The following ELAPOR2 variants were observed in gnomAD, a reference collection of about 807,000 sequenced individuals.
ELAPOR2 encodes endosome-lysosome associated apoptosis and autophagy regulator family member 2.
ELAPOR2 carries 89 observed loss-of-function variants against 120.7 expected under a neutral mutation model. The ratio of observed to expected loss-of-function variants is 0.74; its 90% CI spans 0.62 to 0.88. The LOEUF is 0.88. ELAPOR2 is among the 40% of genes least tolerant of loss of function. ELAPOR2 has a pLI of 0.00. For missense variants in ELAPOR2, 1,134 were observed against 1,251.6 expected (o/e 0.91, Z 1.42); for synonymous variants, 444 against 444.9 (o/e 1.00, Z 0.03).
intron 1 of ELAPOR2, among the ~76,000 whole-genome samples, chr7:86,985,974 G>A (rs1390006646): frequency 1.3e-5 from 2 of 151,816 alleles, no homozygotes; most frequent in Non-Finnish European, 2.9e-5. Flanking sequence ...GGCAAAAACT[G>A]GAAGCATTCC....
At chr7:86,957,783 A>G (rs919205162) in intron 2 of ELAPOR2, among the ~76,000 whole-genome samples, 1 of 152,290 alleles carries the variant, frequency 6.6e-6, no homozygotes, top group Non-Finnish European at 1.5e-5. Flanking sequence ...CTTGAGCCCA[A>G]GGTTTTGAGA....
chr7:87,000,776 C>T (rs1456043210), intron 1 of ELAPOR2, among the ~76,000 whole-genome samples: 2 of 152,092 alleles, frequency 1.3e-5, no homozygotes, highest in Non-Finnish European at 2.9e-5. Flanking sequence ...AGCTATGTTG[C>T]TAAATTTCTG....
intron 2 of ELAPOR2, among the ~76,000 whole-genome samples, chr7:86,952,272 G>A (rs1791287131): frequency 6.6e-6 from 1 of 152,162 alleles, no homozygotes. Flanking sequence ...TAGTAGACTG[G>A]TGAGGGAGGA....
At position 86,941,506 on chromosome 7, in the gene ELAPOR2, G is replaced by C. The variant is rs113764204; in HGVS notation, c.741+512C>G. The C allele has an allele frequency of 2.8e-3, 1,147 of 410,854 alleles. 15 individuals carry two copies. The highest frequency in any genetic ancestry group is 0.021 in the African/African-American group (1,014 of 48,372). The allele number at this position is 410,854 out of a possible 1,614,324, so 25.5% of individuals were successfully genotyped here. On this transcript the variant is annotated intron_variant, in intron 5 of 21. Coordinates refer to ENST00000450689, the MANE Select transcript of ELAPOR2 (RefSeq NM_001142749.3). Reference sequence around the variant, plus strand: ...CCAAAGAGATATTTTGTGATAAACAGAGCTGTCCAACAAATGGAGACAGCA... The same window carrying C: ...CCAAAGAGATATTTTGTGATAAACACAGCTGTCCAACAAATGGAGACAGCA...
intron 8 of ELAPOR2, among the ~76,000 whole-genome samples, chr7:86,936,644 A>C (rs1432227827): frequency 6.6e-6 from 1 of 152,076 alleles, no homozygotes. Flanking sequence ...ACAGAAAAAC[A>C]TAATTTGTGT....
chr7:86,929,811 G>C (rs142380538), intron 8 of ELAPOR2, among the ~76,000 whole-genome samples: 31 of 151,976 alleles, frequency 2.0e-4, no homozygotes, highest in African/African-American at 7.2e-4. Flanking sequence ...CCCCCTTGCT[G>C]TTCTTGTGAT....
At chr7:87,042,531 A>C (rs1396292750) in intron 1 of ELAPOR2, among the ~76,000 whole-genome samples, 1 of 151,934 alleles carries the variant, frequency 6.6e-6, no homozygotes, top group African/African-American at 2.4e-5. Flanking sequence ...AACGAAATGA[A>C]GGCAGAAATA....
At position 86,938,823 on chromosome 7, in the gene ELAPOR2, C is replaced by A; in HGVS notation, c.985G>T (p.Asp329Tyr). 6.2e-7 allele frequency: 1 copy of A among 1,613,032 alleles called. No individual in the cohort carries two copies. The highest frequency in any genetic ancestry group is 1.1e-5 in the South Asian group (1 of 91,032). ...GAKECIRCKDDSQFSEEGSSE... is the reference protein window; with the variant it reads ...GAKECIRCKDYSQFSEEGSSE... ...CTAGTTCTACCTGAAAATTGAGAGTCGTCTTTACACCTTATACATTCTTTG... is the reference window on the plus strand; with the variant it reads ...CTAGTTCTACCTGAAAATTGAGAGTAGTCTTTACACCTTATACATTCTTTG... The change falls in exon 7 of 22, where the codon GAC (aspartate) becomes TAC (tyrosine). Residue 329 changes from aspartate (D) to tyrosine (Y), a missense_variant. This residue lies in a region of ELAPOR2 where 831 missense variants were observed against 867.6 expected (regional missense o/e 0.96). Coordinates refer to ENST00000450689, the MANE Select transcript of ELAPOR2 (RefSeq NM_001142749.3).
At chr7:86,913,597 C>T (rs1319980417) in intron 13 of ELAPOR2, among the ~76,000 whole-genome samples, 2 of 152,106 alleles carry the variant, frequency 1.3e-5, no homozygotes, top group East Asian at 1.9e-4. Flanking sequence ...GTTGAAAGTG[C>T]GGCAGGGTAG....
chr7:87,050,281 A>G (rs111327841), intron 1 of ELAPOR2, among the ~76,000 whole-genome samples: 11 of 152,246 alleles, frequency 7.2e-5, no homozygotes, highest in African/African-American at 1.4e-4. Context: ...TTAATCCCCA[A>G]TGCTGAAGAT....
At chr7:86,921,215 C>T (rs1789814785) in intron 10 of ELAPOR2, among the ~76,000 whole-genome samples, 1 of 152,084 alleles carries the variant, frequency 6.6e-6, no homozygotes, top group South Asian at 2.1e-4. Flanking sequence ...TCTCCACCAC[C>T]AATACCCATA....
chr7:86,881,806 T>A (rs1362472226), intron 21 of ELAPOR2, among the ~76,000 whole-genome samples: 1 of 152,164 alleles, frequency 6.6e-6, no homozygotes. Context: ...TGAAGAGAAC[T>A]ATGACTATTT....
intron 2 of ELAPOR2, among the ~76,000 whole-genome samples, chr7:86,953,680 C>T (rs1049225062): frequency 6.6e-6 from 1 of 152,020 alleles, no homozygotes; most frequent in Non-Finnish European, 1.5e-5. Flanking sequence ...ATGAATTTAC[C>T]GTATTTAATT....
In ELAPOR2 at chr7:86,880,271, T is replaced by C. The variant is rs913346207; in HGVS notation, c.*200A>G. ...CATCTTCAGTTGAGACCCAAATCAT[T>C]TGCTTTCCTTTATTTGGCAAGGTAC... On this transcript the variant is annotated 3_prime_UTR_variant, in exon 22 of 22. Transcript: ENST00000450689. 8.5e-6 allele frequency: 5 copies of C among 589,816 alleles called. No individual in the cohort carries two copies. The highest frequency in any genetic ancestry group is 7.5e-5 in the African/African-American group (4 of 53,248). 36.5% of individuals were successfully genotyped at this position (589,816 alleles called of 1,614,324 possible).
At chr7:87,039,402 A>G (rs1388329113) in intron 1 of ELAPOR2, among the ~76,000 whole-genome samples, 1 of 152,222 alleles carries the variant, frequency 6.6e-6, no homozygotes, top group African/African-American at 2.4e-5. Context: ...TTCCAAACTC[A>G]TTCTACAAGG....
intron 1 of ELAPOR2, among the ~76,000 whole-genome samples, chr7:86,975,570 G>T (rs1030984824): frequency 6.6e-6 from 1 of 152,108 alleles, no homozygotes; most frequent in East Asian, 1.9e-4. Context: ...TGCCTGGCAT[G>T]GCTTTCCTAT....
At chr7:86,881,291 G>T (rs1799387274) in intron 21 of ELAPOR2, among the ~76,000 whole-genome samples, 2 of 151,912 alleles carry the variant, frequency 1.3e-5, no homozygotes, top group Non-Finnish European at 2.9e-5. Flanking sequence ...CTGCCTCCCA[G>T]GCTCAAGTAA....
chr7:87,013,783 G>A (rs1458628197), intron 1 of ELAPOR2, among the ~76,000 whole-genome samples: 1 of 152,010 alleles, frequency 6.6e-6, no homozygotes, highest in Admixed American at 6.6e-5. Flanking sequence ...CCAGCCAGTC[G>A]AGACTTATTA....
intron 18 of ELAPOR2, among the ~76,000 whole-genome samples, chr7:86,902,467 C>CGCCAG (rs1343590887): frequency 1.3e-5 from 2 of 152,180 alleles, no homozygotes; most frequent in Admixed American, 6.5e-5. Context: ...TAAGCCACTG[C>CGCCAG]GCCAGGCCTG....
Sources: allele counts gnomAD v4.1 joint callset (sites outside exome capture counted in the v4.1 genomes callset), GRCh38; gene constraint gnomAD v4.1.1; regional missense constraint gnomAD v4.1.1; transcripts MANE v1.5; gene names NCBI Gene and HGNC (gene_info 2026-07-23, HGNC 2026-07-21).